Variants in NCAPD3 observed in about 807,000 individuals in gnomAD.
The protein encoded by NCAPD3 is non-SMC condensin II complex subunit D3.
A neutral mutation model predicts 182.9 loss-of-function variants in NCAPD3; 105 were observed. That is an observed-to-expected ratio of 0.57 (90% CI 0.49 to 0.68). NCAPD3 has a LOEUF of 0.68. NCAPD3 is among the 30% of genes least tolerant of loss of function. The probability of loss-of-function intolerance (pLI) is 0.00; values close to 1 mark genes in which losing one functional copy is unlikely to be tolerated. For missense variants in NCAPD3, 1,944 were observed against 1,837.0 expected (o/e 1.06, Z -1.07); for synonymous variants, 815 against 679.9 (o/e 1.20, Z -3.09).
At chr11:134,197,272 T>A (rs1307898670) in intron 13 of NCAPD3, among the ~76,000 whole-genome samples, 1 of 130,936 alleles carries the variant, frequency 7.6e-6, no homozygotes, top group East Asian at 2.3e-4. Flanking sequence ...CAGTCTCACA[T>A]CTTTTTTTTT....
At position 134,159,985 on chromosome 11, in the gene NCAPD3, C is replaced by T. The variant is rs753393122; in HGVS notation, c.3774G>A (p.Lys1258=). The T allele has an allele frequency of 1.3e-5, 21 of 1,613,918 alleles. No homozygotes were observed. In the South Asian group the frequency reaches 1.9e-4, roughly 14 times the overall value. The change falls in exon 29 of 35, where the codon AAG becomes AAA. Residue 1258 remains lysine (K), a synonymous_variant. Transcript: ENST00000534548. ...GCTCCTGGACCAGCTGTTCCTGGTACTTCTTCATGTCATACTCAAGCTCTG... is the reference window on the plus strand; with the variant it reads ...GCTCCTGGACCAGCTGTTCCTGGTATTTCTTCATGTCATACTCAAGCTCTG... The part of the protein sequence containing the change: ...LASELEYDMK[K]YQEQLVQEQE...
Position 134,204,005 on chromosome 11 carries a change from T to G in NCAPD3, c.1215+41A>C. On this transcript the variant is annotated intron_variant, in intron 10 of 34. Transcript: ENST00000534548. The surrounding 1 kb of genome is among the most constrained non-coding windows in gnomAD (Gnocchi z 4.3). ...GAAAAAGAGACCCTTTTAAAAAGAG[T>G]TTAAAAAGGACCCAAGGTTTTATGC... 6.3e-7 allele frequency: 1 copy of G among 1,580,226 alleles called. No individual in the cohort carries two copies. The highest frequency in any genetic ancestry group is 1.7e-4 in the Middle Eastern group (1 of 5,978).
intron 16 of NCAPD3, among the ~76,000 whole-genome samples, chr11:134,189,886 A>G (rs1395192108): frequency 1.3e-5 from 2 of 152,106 alleles, no homozygotes; most frequent in Non-Finnish European, 2.9e-5. Flanking sequence ...TTTTTCTAGT[A>G]ACCTTTTTCT....
intron 19 of NCAPD3, among the ~76,000 whole-genome samples, chr11:134,181,834 C>T (rs983933875): frequency 2.6e-5 from 4 of 152,124 alleles, no homozygotes; most frequent in Admixed American, 6.5e-5. Context: ...CCATGTTACC[C>T]GATGCCGACT....
intron 32 of NCAPD3, among the ~76,000 whole-genome samples, chr11:134,155,234 TG>T (rs1943388335): frequency 2.0e-5 from 3 of 152,232 alleles, no homozygotes; most frequent in Admixed American, 2.0e-4. Context: ...GGTGCTGAAC[TG>T]GGTGGCATCT....
At chr11:134,157,865 A>G in intron 31 of NCAPD3, 63 bp downstream of exon 31, 1 of 1,509,888 alleles carries the variant, frequency 6.6e-7, no homozygotes, top group Non-Finnish European at 9.0e-7. Context: ...AATAAGAAGT[A>G]GCTTGTTCTG....
chr11:134,223,331 G>A (rs188997245), intron 1 of NCAPD3: 13 of 678,976 alleles, frequency 1.9e-5, no homozygotes, highest in Admixed American at 1.6e-4. Flanking sequence ...ACACCTCAGA[G>A]GCAGGACAGT....
At chr11:134,154,737 C>T (rs1431590865) in intron 32 of NCAPD3, among the ~76,000 whole-genome samples, 1 of 152,244 alleles carries the variant, frequency 6.6e-6, no homozygotes, top group Non-Finnish European at 1.5e-5. Context: ...TCTGCAAGCA[C>T]ATGCGAGGAG....
At chr11:134,156,127 G>A (rs575517839) in intron 32 of NCAPD3, among the ~76,000 whole-genome samples, 3 of 152,342 alleles carry the variant, frequency 2.0e-5, no homozygotes, top group African/African-American at 7.2e-5. Context: ...GGCTGGAGAA[G>A]GGGCACAAGA....
At chr11:134,208,779 T>C in intron 7 of NCAPD3, 85 bp downstream of exon 7, 1 of 863,942 alleles carries the variant, frequency 1.2e-6, no homozygotes, top group Non-Finnish European at 1.9e-6. Flanking sequence ...TGGCATTATA[T>C]CAAATGCTTT....
chr11:134,219,068 C>T (rs1938130495), intron 2 of NCAPD3, among the ~76,000 whole-genome samples: 1 of 152,196 alleles, frequency 6.6e-6, no homozygotes, highest in Non-Finnish European at 1.5e-5. Flanking sequence ...TAAAGCTACC[C>T]GTGACCTACC....
At position 134,176,314 on chromosome 11, in the gene NCAPD3, T is replaced by C. The variant is rs145499956; in HGVS notation, c.3094A>G (p.Ile1032Val). ...VSTLIDSHPD[I>V]ASFGEFCLAH... ...CGTGAGGAAAAGATTTACCTGGCAATGTCTGGGTGTGAATCGATCAGAGTG... is the reference window on the plus strand; with the variant it reads ...CGTGAGGAAAAGATTTACCTGGCAACGTCTGGGTGTGAATCGATCAGAGTG... Residue 1032 changes from isoleucine (I) to valine (V), a missense_variant, in exon 24 of 35, where the codon ATT (isoleucine) becomes GTT (valine). Physicochemically the swap from Ile to Val is conservative, Grantham distance 29 (BLOSUM62 3). This residue lies in a region of NCAPD3 where 1,803 missense variants were observed against 1,674.6 expected (regional missense o/e 1.08). Coordinates refer to ENST00000534548, the MANE Select transcript of NCAPD3 (RefSeq NM_015261.3). 17 of 1,613,468 alleles carry C rather than the reference T, an allele frequency of 1.1e-5. No individual in the cohort carries two copies. In the East Asian group the frequency reaches 1.6e-4, roughly 15 times the overall value.
At position 134,206,894 on chromosome 11, in the gene NCAPD3, C is replaced by T. The variant is rs550049694; in HGVS notation, c.883-162G>A. Among the ~76,000 whole-genome samples the T allele has an allele frequency of 2.8e-3, 432 of 152,224 alleles. 3 individuals are homozygous for T. The highest frequency in any genetic ancestry group is 9.7e-3 in the African/African-American group (403 of 41,536). ...AGGGATATATTTCTTAAACAATGAG[C>T]AGGGATACAATAAATGCACAATGTA... On this transcript the variant is annotated intron_variant, in intron 7 of 34. Transcript: ENST00000534548.
At chr11:134,167,036 G>A (rs1440372704) in intron 27 of NCAPD3, among the ~76,000 whole-genome samples, 1 of 111,576 alleles carries the variant, frequency 9.0e-6, no homozygotes. Flanking sequence ...ATGAGCTTGG[G>A]GGAGCTGCAC....
chr11:134,197,064 C>A (rs1183246575), intron 13 of NCAPD3, among the ~76,000 whole-genome samples: 1 of 152,068 alleles, frequency 6.6e-6, no homozygotes, highest in African/African-American at 2.4e-5. Flanking sequence ...CTTGTGAGAT[C>A]TGGTCATTTA....
rs376811282 is a variant in NCAPD3, at chr11:134,223,910, C to G, written c.17G>C (p.Gly6Ala). The G allele has an allele frequency of 7.8e-5, 125 of 1,612,586 alleles. No homozygotes were observed. Among genetic ancestry groups the G allele is most frequent in the Non-Finnish European group, 9.7e-5 (114 of 1,179,838 alleles). The change falls in exon 1 of 35, where the codon GGC becomes GCC. Residue 6 changes from glycine (G) to alanine (A), a missense_variant. This residue lies in a region of NCAPD3 where 131 missense variants were observed against 133.9 expected (regional missense o/e 0.98). Transcript: ENST00000534548. ...CCAGGGCTGCAGGCCGCTACCAAGG[C>G]CCCGCAACGCCACCATGATCCCAGG... Reference protein sequence around the residue: MVALRGLGSGLQPWCP... With the variant: MVALRALGSGLQPWCP...
intron 3 of NCAPD3, 102 bp from the exon 4 acceptor site, chr11:134,210,556 T>A: frequency 9.8e-7 from 1 of 1,021,986 alleles, no homozygotes; most frequent in Non-Finnish European, 1.4e-6. Context: ...AGGCTTTTCA[T>A]GACTGTGAAT....
upstream of NCAPD3, chr11:134,225,099 A>T (rs752459561): frequency 6.3e-7 from 1 of 1,580,160 alleles, no homozygotes; most frequent in South Asian, 1.1e-5. Context: ...GTCCTTACCG[A>T]GACCCGCCCG....
In NCAPD3 at chr11:134,168,779, T is replaced by C. The variant is rs77904794; in HGVS notation, c.3239+138A>G. On this transcript the variant is annotated intron_variant, in intron 25 of 34. Transcript: ENST00000534548. ...AGCGATTCTCACGACTGTATTTTCT[T>C]ACGCCATCCTGCCAAGCCACAGTAA... is the stretch of plus-strand genomic sequence containing the variant. 7.5e-3 allele frequency: 10,312 copies of C among 1,383,798 alleles called. 642 individuals carry two copies. In the African/African-American group the frequency reaches 0.13, roughly 18 times the overall value. 85.7% of individuals were successfully genotyped at this position (1,383,798 alleles called of 1,614,324 possible).
Sources: allele counts gnomAD v4.1 joint callset (sites outside exome capture counted in the v4.1 genomes callset), GRCh38; gene constraint gnomAD v4.1.1; regional missense constraint gnomAD v4.1.1; non-coding constraint Gnocchi (gnomAD v3.1); transcripts MANE v1.5; gene names NCBI Gene and HGNC (gene_info 2026-07-23, HGNC 2026-07-21).